Variants in UBAP2 observed in about 807,000 individuals in gnomAD.
UBAP2 encodes the protein ubiquitin-associated protein 2.
In UBAP2, 75 loss-of-function variants were observed where a neutral mutation model predicts 139.6. The ratio of observed to expected loss-of-function variants is 0.54; its 90% CI spans 0.45 to 0.65. The LOEUF is 0.65. Ranked by LOEUF, UBAP2 falls within the 30% of genes least tolerant of loss-of-function variation. The pLI, the probability that UBAP2 is intolerant of heterozygous loss-of-function variation, is 0.00. For synonymous variants in UBAP2, 526 were observed against 526.2 expected (o/e 1.00, Z 0.01); for missense variants, 1,368 against 1,369.6 (o/e 1.00, Z 0.02).
intron 20 of UBAP2, among the ~76,000 whole-genome samples, 161 bp downstream of exon 20, chr9:33,927,636 C>T (rs549850517): frequency 6.6e-6 from 1 of 152,318 alleles, no homozygotes; most frequent in South Asian, 2.1e-4. Flanking sequence ...AAGAATTCAT[C>T]CCCATCAGGG....
intron 2 of UBAP2, among the ~76,000 whole-genome samples, chr9:34,015,638 T>C (rs1275819870): frequency 6.6e-6 from 1 of 152,102 alleles, no homozygotes; most frequent in Non-Finnish European, 1.5e-5. Flanking sequence ...CAAGTGGATC[T>C]TGATCATTAA....
At chr9:33,986,949 A>C (rs1821269388) in intron 5 of UBAP2, 112 bp from the exon 6 acceptor site, 4 of 956,544 alleles carry the variant, frequency 4.2e-6, no homozygotes, top group Non-Finnish European at 4.9e-6. Flanking sequence ...CTACAATTTA[A>C]ACAACGGGTT....
At position 33,933,720 on chromosome 9, in the gene UBAP2, T is replaced by C. The variant is rs1005322315; in HGVS notation, c.1970-92A>G. 4 of 1,538,240 alleles carry C rather than the reference T, an allele frequency of 2.6e-6. No homozygotes were observed. In the African/African-American group the frequency reaches 4.1e-5, roughly 16 times the overall value. On this transcript the variant is annotated intron_variant, in intron 17 of 28. Coordinates refer to ENST00000379238, the MANE Select transcript of UBAP2 (RefSeq NM_001370062.2). ...AAAATATGCTCAATATCTTGTGACA[T>C]GTCAGCCTCAGTTGAGACGTCCATA...
intron 3 of UBAP2, chr9:33,997,255 C>A (rs1226876146): frequency 6.6e-6 from 1 of 152,176 alleles, no homozygotes; most frequent in African/African-American, 2.4e-5. Flanking sequence ...ATTTTCATCA[C>A]TAGAACGATC....
chr9:34,010,122 T>TA (rs572189269), intron 2 of UBAP2, among the ~76,000 whole-genome samples: 10 of 125,148 alleles, frequency 8.0e-5, no homozygotes, highest in East Asian at 5.0e-4. Flanking sequence ...TCCTGTCTAT[T>TA]AAAAAAAAAA....
intron 21 of UBAP2, 101 bp from the exon 22 acceptor site, chr9:33,926,765 AC>A: frequency 1.6e-6 from 2 of 1,260,770 alleles, no homozygotes; most frequent in Non-Finnish European, 2.3e-6. Context: ...GCTCTAACAC[AC>A]CCGGGAATGG....
At chr9:33,935,169 G>GC (rs1039803363) in intron 17 of UBAP2, among the ~76,000 whole-genome samples, 3 of 144,866 alleles carry the variant, frequency 2.1e-5, no homozygotes, top group African/African-American at 7.4e-5. Context: ...GTGGCGGGGG[G>GC]GGGGGGTCTC....
Position 33,955,752 on chromosome 9 carries a change from G to A in UBAP2, c.866+327C>T, listed in dbSNP as rs1019203962. 2.1e-4 allele frequency among the ~76,000 whole-genome samples: 31 copies of A among 150,470 alleles called. No individual in the cohort carries two copies. In the East Asian group the frequency reaches 2.3e-3, roughly 11 times the overall value. ...TGAGGCAGGAGAATCACTTGAACCC[G>A]AGAGGCGGAGGTTGCAGTGAGCCGA... is the stretch of plus-strand genomic sequence containing the variant. On this transcript the variant is annotated intron_variant, in intron 11 of 28. Coordinates refer to ENST00000379238, the MANE Select transcript of UBAP2 (RefSeq NM_001370062.2).
At chr9:34,004,034 C>T (rs1443657932) in intron 2 of UBAP2, among the ~76,000 whole-genome samples, 1 of 151,972 alleles carries the variant, frequency 6.6e-6, no homozygotes, top group Non-Finnish European at 1.5e-5. Flanking sequence ...ATATAGCTTT[C>T]TAACAATGAA....
chr9:34,034,491 T>C (rs1826156931), intron 1 of UBAP2, among the ~76,000 whole-genome samples: 1 of 152,176 alleles, frequency 6.6e-6, no homozygotes, highest in Admixed American at 6.6e-5. Flanking sequence ...CACATAAGTA[T>C]CTGGTCCAGT....
intron 1 of UBAP2, among the ~76,000 whole-genome samples, chr9:34,031,605 C>A (rs1825894443): frequency 6.6e-6 from 1 of 151,954 alleles, no homozygotes; most frequent in South Asian, 2.1e-4. Context: ...CCACGCCCGG[C>A]CTTAACTTGC....
rs1821013693 is a variant in UBAP2, at chr9:33,984,279, G to C, written c.520+2481C>G. Reference sequence around the variant, plus strand: ...GGAAGTATCATCTAAGAAATTTGCAGGATGATATTCATCTGAAAAGGGACT... The same window carrying C: ...GGAAGTATCATCTAAGAAATTTGCACGATGATATTCATCTGAAAAGGGACT... On this transcript the variant is annotated intron_variant, in intron 6 of 28. Coordinates refer to ENST00000379238, the MANE Select transcript of UBAP2 (RefSeq NM_001370062.2). 3.9e-5 allele frequency among the ~76,000 whole-genome samples: 6 copies of C among 152,184 alleles called. No homozygotes were observed. The South Asian group carries it at 1.2e-3, about 32-fold the overall frequency.
intron 1 of UBAP2, among the ~76,000 whole-genome samples, chr9:34,042,893 A>T (rs1021855695): frequency 1.3e-5 from 2 of 152,024 alleles, no homozygotes; most frequent in East Asian, 3.9e-4. Flanking sequence ...GCAACATAGC[A>T]AGACTCCTCT....
chr9:34,012,716 GGGAAAGGAAGAGAACA>G (rs1177802263), intron 2 of UBAP2, among the ~76,000 whole-genome samples: 2 of 151,988 alleles, frequency 1.3e-5, no homozygotes, highest in African/African-American at 4.8e-5. Context: ...ATAAACTGTA[GGGAAAGGAAGAGAACA>G]GGATAAAGTA....
intron 1 of UBAP2, among the ~76,000 whole-genome samples, chr9:34,026,824 C>A (rs1825438414): frequency 6.6e-6 from 1 of 152,202 alleles, no homozygotes; most frequent in Admixed American, 6.6e-5. Context: ...ACATTTGGCT[C>A]TACAGTGTGT....
At chr9:34,038,649 C>G (rs10114332) in intron 1 of UBAP2, among the ~76,000 whole-genome samples, 146,153 of 152,214 alleles carry the variant, frequency 0.96, 70,309 homozygotes, top group Non-Finnish European at 1. Context: ...CCACCTCCCA[C>G]CCGCCTGCCT....
At chr9:34,001,974 A>C (rs942042303) in intron 2 of UBAP2, among the ~76,000 whole-genome samples, 1 of 151,934 alleles carries the variant, frequency 6.6e-6, no homozygotes, top group Admixed American at 6.6e-5. Flanking sequence ...TTAAAAAAAA[A>C]AAACAAAAAA....
intron 2 of UBAP2, among the ~76,000 whole-genome samples, chr9:34,010,380 C>T (rs564073403): frequency 4.9e-4 from 72 of 145,470 alleles, no homozygotes; most frequent in African/African-American, 1.6e-3. Flanking sequence ...GCCCAGATCG[C>T]GCCACTGCAC....
At chr9:33,925,420 C>A (rs973320240) in intron 22 of UBAP2, among the ~76,000 whole-genome samples, 1 of 152,078 alleles carries the variant, frequency 6.6e-6, no homozygotes, top group Non-Finnish European at 1.5e-5. Flanking sequence ...ACAAACAACC[C>A]GAGGGATAGA....
Sources: allele counts gnomAD v4.1 joint callset (sites outside exome capture counted in the v4.1 genomes callset), GRCh38; gene constraint gnomAD v4.1.1; transcripts MANE v1.5; gene names NCBI Gene and HGNC (gene_info 2026-07-23, HGNC 2026-07-21).